Variants in HDLBP observed in about 807,000 individuals in gnomAD.
HDLBP encodes vigilin.
A neutral mutation model predicts 137.3 loss-of-function variants in HDLBP; 30 were observed. That is an observed-to-expected ratio of 0.22 (90% CI 0.16 to 0.30). The LOEUF (loss-of-function observed/expected upper bound fraction) is 0.30. Among genes scored for constraint, HDLBP ranks in the 10% least tolerant of loss-of-function variants. The probability of loss-of-function intolerance (pLI) is 1.00; values close to 1 mark genes in which losing one functional copy is unlikely to be tolerated. For missense variants in HDLBP, 1,119 were observed against 1,667.3 expected (o/e 0.67, Z 5.73); for synonymous variants, 606 against 596.0 (o/e 1.02, Z -0.24).
chr2:241,301,860 T>C (rs1040061421), intron 1 of HDLBP, among the ~76,000 whole-genome samples: 1 of 152,052 alleles, frequency 6.6e-6, no homozygotes, highest in South Asian at 2.1e-4. Context: ...TCTTATAATA[T>C]TGAAAAGGAA....
chr2:241,308,190 T>C (rs978531880), intron 1 of HDLBP, among the ~76,000 whole-genome samples: 4 of 152,212 alleles, frequency 2.6e-5, no homozygotes, highest in Non-Finnish European at 5.9e-5. Context: ...GAGACAGCAA[T>C]CTTGTTGAGC....
intron 1 of HDLBP, among the ~76,000 whole-genome samples, chr2:241,303,280 C>A (rs1021956407): frequency 6.6e-6 from 1 of 152,294 alleles, no homozygotes; most frequent in South Asian, 2.1e-4. Flanking sequence ...CCAGGAGCCC[C>A]AGATGGTGCA....
At position 241,229,556 on chromosome 2, in the gene HDLBP, G is replaced by T; in HGVS notation, c.*45C>A. The T allele has an allele frequency of 1.4e-6, 2 of 1,386,622 alleles. No individual in the cohort carries two copies. Among genetic ancestry groups the T allele is most frequent in the Non-Finnish European group, 1.0e-6 (1 of 977,272 alleles). The allele number at this position is 1,386,622 out of a possible 1,614,324, so 85.9% of individuals were successfully genotyped here. ...GATTGAGACAAACCATTGTGTGGTTGGGTTTGGGTCAGCAGGCTGGAGAGG... is the reference window on the plus strand; with the variant it reads ...GATTGAGACAAACCATTGTGTGGTTTGGTTTGGGTCAGCAGGCTGGAGAGG... On this transcript the variant is annotated 3_prime_UTR_variant, in exon 28 of 28. Coordinates refer to ENST00000310931, the MANE Select transcript of HDLBP (RefSeq NM_005336.6).
chr2:241,303,894 G>A (rs1327050565), intron 1 of HDLBP, among the ~76,000 whole-genome samples: 1 of 152,076 alleles, frequency 6.6e-6, no homozygotes. Flanking sequence ...CTGCAGCCTC[G>A]ACCTCCTGGG....
At chr2:241,306,668 G>A (rs1377782383) in intron 1 of HDLBP, among the ~76,000 whole-genome samples, 3 of 152,030 alleles carry the variant, frequency 2.0e-5, no homozygotes, top group African/African-American at 7.2e-5. Context: ...ACTTCATTGG[G>A]AGGCCGAGGC....
At position 241,262,810 on chromosome 2, in the gene HDLBP, C is replaced by T. The variant is rs773845504; in HGVS notation, c.351G>A (p.Leu117=). The change falls in exon 5 of 28, where the codon CTG becomes CTA. Residue 117 remains leucine, a synonymous_variant. Transcript: ENST00000310931. ...AGAGGCCTTGGTCTTTGGCCAAAGA[C>T]AGCTCCAAGTGAGCACCAGTTCTCT... ...IMQRTGAHLE[L]SLAKDQGLSI... 2.5e-6 allele frequency: 4 copies of T among 1,614,090 alleles called. No homozygotes were observed. The East Asian group carries it at 6.7e-5, about 27-fold the overall frequency.
intron 1 of HDLBP, among the ~76,000 whole-genome samples, chr2:241,305,126 A>G (rs1328846953): frequency 1.3e-5 from 2 of 152,176 alleles, no homozygotes; most frequent in African/African-American, 4.8e-5. Context: ...ACCAGGCTCT[A>G]CTTTTTCATT....
At chr2:241,236,086 G>A (rs2070388969) in intron 21 of HDLBP, 2 of 188,726 alleles carry the variant, frequency 1.1e-5, no homozygotes, top group Non-Finnish European at 2.2e-5. Flanking sequence ...TCCAGAACCT[G>A]CTTTCTTGCC....
chr2:241,306,995 A>T (rs2075603451), intron 1 of HDLBP, among the ~76,000 whole-genome samples: 1 of 143,640 alleles, frequency 7.0e-6, no homozygotes, highest in Non-Finnish European at 1.5e-5. Flanking sequence ...AAACGAGGAA[A>T]AGCCCAAAAT....
At position 241,230,002 on chromosome 2, in the gene HDLBP, C is replaced by T; in HGVS notation, c.3592-41G>A. On this transcript the variant is annotated intron_variant, in intron 26 of 27. Coordinates refer to ENST00000310931, the MANE Select transcript of HDLBP (RefSeq NM_005336.6). This position sits in a 1 kb window ranked among gnomAD's most constrained non-coding sequence, Gnocchi z 5.0. ...AGGAAGACAGGGTCAGTCTGCCCAGCACCCCCAGCATCCCGCCCGCCTGCT... is the reference window on the plus strand; with the variant it reads ...AGGAAGACAGGGTCAGTCTGCCCAGTACCCCCAGCATCCCGCCCGCCTGCT... 3 of 1,557,726 alleles carry T rather than the reference C, an allele frequency of 1.9e-6. No individual in the cohort carries two copies. Among genetic ancestry groups the T allele is most frequent in the East Asian group, 2.3e-5 (1 of 44,388 alleles).
chr2:241,232,795 C>T (rs1227988043), intron 24 of HDLBP, among the ~76,000 whole-genome samples: 1 of 151,920 alleles, frequency 6.6e-6, no homozygotes, highest in African/African-American at 2.4e-5. Context: ...CCTGGGGCAA[C>T]AAGACAAAGA....
intron 1 of HDLBP, among the ~76,000 whole-genome samples, chr2:241,281,875 T>C (rs545362560): frequency 2.0e-5 from 3 of 152,352 alleles, no homozygotes; most frequent in African/African-American, 7.2e-5. Flanking sequence ...TTTAAATATA[T>C]GTGGCTCATA....
intron 1 of HDLBP, among the ~76,000 whole-genome samples, chr2:241,301,436 TAAG>T (rs1030465089): frequency 1.3e-5 from 2 of 152,110 alleles, no homozygotes; most frequent in African/African-American, 4.8e-5. Flanking sequence ...GCATATCACG[TAAG>T]AAGAGTGAAA....
chr2:241,302,080 C>T (rs1205167628), intron 1 of HDLBP, among the ~76,000 whole-genome samples: 1 of 142,602 alleles, frequency 7.0e-6, no homozygotes, highest in African/African-American at 2.7e-5. Flanking sequence ...CCACAACTCC[C>T]ATCTCTACAA....
chr2:241,229,724 C>T (rs2069482481), intron 27 of HDLBP, 37 bp from the exon 28 acceptor site: 1 of 1,610,204 alleles, frequency 6.2e-7, no homozygotes, highest in Non-Finnish European at 8.5e-7. Flanking sequence ...GGAGGGGATG[C>T]TCCCCAACTC....
Position 241,272,430 on chromosome 2 carries a change from G to A in HDLBP, c.-102-3889C>T. ...CCAGGGGTGCCCCACCGAAGCCCCG[G>A]GAGGAGGCGGGGGAGCCCAGCTTGC... On this transcript the variant is annotated intron_variant, in intron 1 of 27. Transcript: ENST00000310931. The surrounding 1 kb of genome is among the most constrained non-coding windows in gnomAD (Gnocchi z 5.6). 1.0e-6 allele frequency: 1 copy of A among 984,604 alleles called. No homozygotes were observed. The highest frequency in any genetic ancestry group is 1.2e-6 in the Non-Finnish European group (1 of 829,652). The allele number at this position is 984,604 out of a possible 1,614,324, so 61.0% of individuals were successfully genotyped here.
At position 241,236,775 on chromosome 2, in the gene HDLBP, G is replaced by C. The variant is rs774995513; in HGVS notation, c.2750-6C>G. The stretch of plus-strand genomic sequence containing the variant: ...AACTGGCTCTGTACTGTGAACTAGA[G>C]AGAAAGGGGAAAAGGGACAGCTGAC... On this transcript the variant is annotated splice_polypyrimidine_tract_variant and splice_region_variant and intron_variant, in intron 20 of 27. Transcript: ENST00000310931. The C allele has an allele frequency of 6.2e-7, 1 of 1,613,678 alleles. No individual in the cohort carries two copies. The highest frequency in any genetic ancestry group is 8.5e-7 in the Non-Finnish European group (1 of 1,179,706).
chr2:241,314,178 A>G (rs1186983993), intron 1 of HDLBP, among the ~76,000 whole-genome samples: 1 of 152,064 alleles, frequency 6.6e-6, no homozygotes. Flanking sequence ...CTATTTTTAA[A>G]TACTGTTGCC....
intron 1 of HDLBP, among the ~76,000 whole-genome samples, chr2:241,302,135 T>C (rs2075418008): frequency 6.6e-6 from 1 of 151,768 alleles, no homozygotes; most frequent in Non-Finnish European, 1.5e-5. Context: ...GCCTGTAGTA[T>C]GCTTCCCAGC....
Sources: allele counts gnomAD v4.1 joint callset (sites outside exome capture counted in the v4.1 genomes callset), GRCh38; gene constraint gnomAD v4.1.1; non-coding constraint Gnocchi (gnomAD v3.1); transcripts MANE v1.5; gene names NCBI Gene and HGNC (gene_info 2026-07-23, HGNC 2026-07-21).